Variants in MYT1L observed in about 807,000 individuals in gnomAD.
MYT1L encodes myelin transcription factor 1-like protein.
Under a neutral mutation model 126.7 loss-of-function variants are expected in MYT1L, and 12 were observed. That is an observed-to-expected ratio of 0.09 (90% confidence interval 0.06 to 0.15). The LOEUF is 0.15. Ranked by LOEUF, MYT1L falls within the 10% of genes least tolerant of loss-of-function variation. The pLI, the probability that MYT1L is intolerant of heterozygous loss-of-function variation, is 1.00. For synonymous variants in MYT1L, 541 were observed against 604.2 expected (o/e 0.90, Z 1.53); for missense variants, 979 against 1,585.2 (o/e 0.62, Z 6.49).
chr2:1,823,287 G>T (rs1299853500), intron 21 of MYT1L, among the ~76,000 whole-genome samples: 1 of 152,218 alleles, frequency 6.6e-6, no homozygotes, highest in African/African-American at 2.4e-5. Flanking sequence ...TGTTGCTGCT[G>T]TTGTCAGAGC....
At chr2:1,900,465 A>G (rs879567333) in intron 14 of MYT1L, among the ~76,000 whole-genome samples, 4 of 152,002 alleles carry the variant, frequency 2.6e-5, no homozygotes, top group Non-Finnish European at 4.4e-5. Context: ...ACGCCTGGCT[A>G]ATTTTTTGTA....
intron 4 of MYT1L, among the ~76,000 whole-genome samples, chr2:2,045,426 G>A (rs1339121513): frequency 1.3e-5 from 2 of 152,206 alleles, no homozygotes; most frequent in African/African-American, 4.8e-5. Context: ...CCATGCAGGG[G>A]CCAAAACTCC....
chr2:2,227,833 C>T (rs1572645925), intron 2 of MYT1L, among the ~76,000 whole-genome samples: 1 of 152,114 alleles, frequency 6.6e-6, no homozygotes, highest in African/African-American at 2.4e-5. Context: ...GTAGTTTAAC[C>T]AATATTTTGC....
intron 2 of MYT1L, among the ~76,000 whole-genome samples, chr2:2,214,631 CA>C (rs1216734334): frequency 7.9e-5 from 12 of 152,180 alleles, no homozygotes; most frequent in African/African-American, 2.9e-4. Flanking sequence ...AAATGTCATT[CA>C]AAAGCGAAGT....
intron 3 of MYT1L, among the ~76,000 whole-genome samples, chr2:2,105,456 T>C (rs1392966828): frequency 6.6e-6 from 1 of 152,244 alleles, no homozygotes; most frequent in African/African-American, 2.4e-5. Flanking sequence ...TTTGTAGGAA[T>C]AATAAAATTC....
chr2:1,932,590 G>A (rs1226122238), intron 9 of MYT1L, among the ~76,000 whole-genome samples: 1 of 152,200 alleles, frequency 6.6e-6, no homozygotes, highest in Non-Finnish European at 1.5e-5. Flanking sequence ...ATACTGTGAT[G>A]CCACATAGTG....
chr2:2,068,769 G>GTTTGTTT (rs2074210117), intron 3 of MYT1L, among the ~76,000 whole-genome samples: 2 of 26,182 alleles, frequency 7.6e-5, no homozygotes, highest in African/African-American at 1.1e-4. Context: ...TGTTCTTCTT[G>GTTTGTTT]TTTTTTTTTT....
In MYT1L at chr2:2,318,368, C is replaced by G. The variant is rs17039570; in HGVS notation, c.-521+12599G>C. On this transcript the variant is annotated intron_variant, in intron 1 of 24. Coordinates refer to ENST00000647738, the MANE Select transcript of MYT1L (RefSeq NM_001303052.2). Reference sequence around the variant, plus strand: ...ATTTGCCTTTCCACTCTTACTAACCCCTAGGATCAGATACTGTTTTGATCA... The same window carrying G: ...ATTTGCCTTTCCACTCTTACTAACCGCTAGGATCAGATACTGTTTTGATCA... 0.019 allele frequency among the ~76,000 whole-genome samples: 2,885 copies of G among 152,212 alleles called. 379 individuals carry two copies. The East Asian group carries it at 0.37, about 19-fold the overall frequency.
chr2:2,082,821 G>T (rs1360801337), intron 3 of MYT1L, among the ~76,000 whole-genome samples: 1 of 152,186 alleles, frequency 6.6e-6, no homozygotes, highest in Non-Finnish European at 1.5e-5. Flanking sequence ...TTTCAGATAT[G>T]CTGGTCAGCA....
intron 1 of MYT1L, among the ~76,000 whole-genome samples, chr2:2,288,861 T>C (rs1482073757): frequency 6.6e-6 from 1 of 152,198 alleles, no homozygotes; most frequent in Non-Finnish European, 1.5e-5. Flanking sequence ...ACCCATTCAA[T>C]TCAGTCTCAG....
chr2:2,032,056 G>A (rs1194996515), intron 4 of MYT1L, among the ~76,000 whole-genome samples: 1 of 134,054 alleles, frequency 7.5e-6, no homozygotes, highest in East Asian at 2.4e-4. Flanking sequence ...CTCTCATCCT[G>A]TGGCCCAGAG....
intron 2 of MYT1L, among the ~76,000 whole-genome samples, chr2:2,283,329 CTAAT>C (rs2095476201): frequency 2.0e-5 from 3 of 152,160 alleles, no homozygotes; most frequent in Admixed American, 6.5e-5. Flanking sequence ...TGGACATACA[CTAAT>C]TATGTAAAGA....
In MYT1L at chr2:1,807,701, G is replaced by C. The variant is rs371505093; in HGVS notation, c.3172+1375C>G. Among the ~76,000 whole-genome samples the C allele has an allele frequency of 1.4e-3, 209 of 152,130 alleles. 2 individuals carry two copies. Among genetic ancestry groups the C allele is most frequent in the African/African-American group, 4.5e-3 (187 of 41,552 alleles). On this transcript the variant is annotated intron_variant, in intron 22 of 24. Coordinates refer to ENST00000647738, the MANE Select transcript of MYT1L (RefSeq NM_001303052.2). ...GTTACAGCTGATCTCATTATTCCCA[G>C]GAGCCATGTGCTATAAAGTTACTGC... is the stretch of plus-strand genomic sequence containing the variant.
chr2:1,978,216 G>A (rs1000209766), intron 8 of MYT1L, among the ~76,000 whole-genome samples: 9 of 152,214 alleles, frequency 5.9e-5, no homozygotes, highest in East Asian at 1.9e-4. Flanking sequence ...ATGCAAGGCC[G>A]TGAGGAGAGG....
intron 1 of MYT1L, among the ~76,000 whole-genome samples, chr2:2,323,237 T>C (rs1033178213): frequency 2.0e-5 from 3 of 152,126 alleles, no homozygotes; most frequent in Non-Finnish European, 2.9e-5. Flanking sequence ...CAGAAAATTT[T>C]CCCCTCCCCC....
At chr2:2,145,632 A>C (rs537011696) in intron 3 of MYT1L, among the ~76,000 whole-genome samples, 2 of 146,852 alleles carry the variant, frequency 1.4e-5, no homozygotes, top group Non-Finnish European at 3.0e-5. Context: ...AAAAAAATAC[A>C]CACACACAAG....
chr2:2,065,142 G>A (rs1472857174), intron 3 of MYT1L, among the ~76,000 whole-genome samples: 1 of 152,070 alleles, frequency 6.6e-6, no homozygotes. Context: ...AGGCTGCCGT[G>A]AGCCATGATA....
intron 4 of MYT1L, among the ~76,000 whole-genome samples, chr2:2,010,713 A>G (rs2149755295): frequency 6.6e-6 from 1 of 152,302 alleles, no homozygotes; most frequent in African/African-American, 2.4e-5. Flanking sequence ...CCACACCCAC[A>G]GCTAACATCA....
chr2:2,163,502 G>A (rs1223926763), intron 3 of MYT1L, among the ~76,000 whole-genome samples: 1 of 151,790 alleles, frequency 6.6e-6, no homozygotes, highest in Non-Finnish European at 1.5e-5. Flanking sequence ...GAGGCGGGTG[G>A]ATCATGAGGT....
Sources: gnomAD v4.1 joint callset for allele counts (sites outside exome capture counted in the v4.1 genomes callset) on GRCh38, gnomAD v4.1.1 for gene constraint, MANE v1.5 for transcripts, NCBI Gene and HGNC (gene_info 2026-07-23, HGNC 2026-07-21) for gene names.